FAM107B: variants seen among roughly 807,000 people sequenced by gnomAD.
FAM107B encodes protein FAM107B.
FAM107B carries 21 observed loss-of-function variants against 31.5 expected under a neutral mutation model. That is an observed-to-expected ratio of 0.67 (90% CI 0.47 to 0.96). The LOEUF is 0.96. Ranked by LOEUF, FAM107B falls within the 40% of genes least tolerant of loss-of-function variation. The pLI, the probability that FAM107B is intolerant of heterozygous loss-of-function variation, is 0.00. For missense variants in FAM107B, 452 were observed against 377.1 expected, an observed-to-expected ratio of 1.20 and a Z score of -1.64; for synonymous variants, 157 against 141.5, an observed-to-expected ratio of 1.11 and a Z score of -0.78.
At chr10:14,556,798 T>C (rs1196174757) in intron 2 of FAM107B, among the ~76,000 whole-genome samples, 1 of 149,056 alleles carries the variant, frequency 6.7e-6, no homozygotes, top group Non-Finnish European at 1.5e-5. Flanking sequence ...AGAATGGACT[T>C]TCCCCCCATG....
intron 2 of FAM107B, among the ~76,000 whole-genome samples, chr10:14,555,553 G>C (rs10906696): frequency 0.8 from 122,063 of 152,124 alleles, 49,470 homozygotes; most frequent in East Asian, 0.89. Context: ...TTGTTCCCAC[G>C]CCATTAGCAA....
chr10:14,724,786 T>G (rs1855993557), intron 1 of FAM107B, among the ~76,000 whole-genome samples: 1 of 151,884 alleles, frequency 6.6e-6, no homozygotes, highest in Non-Finnish European at 1.5e-5. Flanking sequence ...CAGAAGCTCA[T>G]CCACACTGAA....
At chr10:14,683,709 C>T (rs1854905686) in intron 1 of FAM107B, among the ~76,000 whole-genome samples, 3 of 152,160 alleles carry the variant, frequency 2.0e-5, no homozygotes, top group South Asian at 4.1e-4. Flanking sequence ...CATGACTCTC[C>T]AGCTACTTAG....
chr10:14,624,639 A>AAAAAAAGACTTGAGGGTCAACTCCCAAAG (rs1853107830), intron 2 of FAM107B, among the ~76,000 whole-genome samples: 1 of 152,174 alleles, frequency 6.6e-6, no homozygotes, highest in African/African-American at 2.4e-5. Context: ...CCGTTTCAAA[A>AAAAAAAGACTTGAGGGTCAACTCCCAAAG]AAAAAAGACT....
chr10:14,774,533 C>G lies in FAM107B; in HGVS notation c.131G>C (p.Gly44Ala), dbSNP rs1422737048. The change falls in exon 1 of 5, where the codon GGC becomes GCC. Residue 44 changes from glycine to alanine, a missense_variant. Coordinates refer to ENST00000181796, the MANE Select transcript of FAM107B (RefSeq NM_031453.4). ...GACGGTGGAATGAGTATCAGCCACG[C>G]CGGACTGATTGAAGGAAGCACTCTC... is the stretch of plus-strand genomic sequence containing the variant. ...TRESASFNQS[G>A]VADTHSTVRV... 6.2e-7 allele frequency: 1 copy of G among 1,614,190 alleles called. No individual in the cohort carries two copies. Among genetic ancestry groups the G allele is most frequent in the Admixed American group, 1.7e-5 (1 of 60,026 alleles).
intron 1 of FAM107B, among the ~76,000 whole-genome samples, chr10:14,676,088 G>A (rs1314671442): frequency 1.3e-5 from 2 of 152,162 alleles, no homozygotes; most frequent in East Asian, 1.9e-4. Context: ...AGCCTGGGGA[G>A]GTCAAGGCTT....
At chr10:14,537,618 TC>T (rs1330643278) in intron 2 of FAM107B, among the ~76,000 whole-genome samples, 1 of 152,046 alleles carries the variant, frequency 6.6e-6, no homozygotes, top group African/African-American at 2.4e-5. Flanking sequence ...GGCGGGCGGA[TC>T]ATGAGGTCCA....
intron 1 of FAM107B, among the ~76,000 whole-genome samples, chr10:14,734,993 C>T (rs777590583): frequency 6.6e-5 from 10 of 152,318 alleles, no homozygotes; most frequent in Admixed American, 1.3e-4. Flanking sequence ...GAGTGAGTCT[C>T]GAGCCAGCCT....
At chr10:14,651,919 A>T (rs1377341368) in intron 2 of FAM107B, among the ~76,000 whole-genome samples, 4 of 152,180 alleles carry the variant, frequency 2.6e-5, no homozygotes, top group Non-Finnish European at 5.9e-5. Flanking sequence ...ATGTGTGAGA[A>T]ATACAGCAAA....
At chr10:14,634,271 G>A (rs1349685018) in intron 2 of FAM107B, among the ~76,000 whole-genome samples, 1 of 151,846 alleles carries the variant, frequency 6.6e-6, no homozygotes, top group Non-Finnish European at 1.5e-5. Context: ...GTGGTGGCGG[G>A]TGCCTATAGT....
chr10:14,632,296 C>T (rs1229420188), intron 2 of FAM107B, among the ~76,000 whole-genome samples: 4 of 91,914 alleles, frequency 4.4e-5, no homozygotes, highest in Admixed American at 1.7e-4. Flanking sequence ...CAGAGCGAGA[C>T]TCTGTCTCAA....
intron 2 of FAM107B, chr10:14,553,450 T>C: frequency 1.1e-6 from 1 of 908,828 alleles, no homozygotes; most frequent in Non-Finnish European, 1.5e-6. Context: ...GCAATCATTC[T>C]ATCTGCATAA....
intron 1 of FAM107B, among the ~76,000 whole-genome samples, chr10:14,772,826 C>G (rs187548036): frequency 1.2e-3 from 190 of 152,228 alleles, no homozygotes; most frequent in African/African-American, 3.4e-3. Context: ...GCCTTGAGTC[C>G]CTGAGTCCCA....
intron 1 of FAM107B, chr10:14,723,189 T>C: frequency 1.9e-6 from 1 of 519,948 alleles, no homozygotes; most frequent in Non-Finnish European, 3.8e-6. Flanking sequence ...CAGTGGTTGC[T>C]CCTAACCATT....
intron 2 of FAM107B, among the ~76,000 whole-genome samples, chr10:14,628,398 G>A (rs1326863745): frequency 6.6e-6 from 1 of 152,124 alleles, no homozygotes; most frequent in Non-Finnish European, 1.5e-5. Flanking sequence ...GATTACAGGC[G>A]TGAGCCACTG....
Position 14,752,267 on chromosome 10 carries a change from C to G in FAM107B, c.411+21986G>C, listed in dbSNP as rs145388966. Reference sequence around the variant, plus strand: ...AATCTCCCTGACTTGAGGGCTTCTCCCCTTTTGCCCCTCACTCACCTCTTT... The same window carrying G: ...AATCTCCCTGACTTGAGGGCTTCTCGCCTTTTGCCCCTCACTCACCTCTTT... On this transcript the variant is annotated intron_variant, in intron 1 of 4. Transcript: ENST00000181796. Among the ~76,000 whole-genome samples, 572 of 152,302 alleles carry G rather than the reference C, an allele frequency of 3.8e-3. 3 individuals are homozygous for G. The highest frequency in any genetic ancestry group is 0.013 in the African/African-American group (529 of 41,576).
chr10:14,679,157 G>C (rs1223751608), intron 1 of FAM107B, among the ~76,000 whole-genome samples: 3 of 151,960 alleles, frequency 2.0e-5, no homozygotes, highest in Non-Finnish European at 4.4e-5. Context: ...GGAGAGAGGG[G>C]CTCACTGTAT....
intron 1 of FAM107B, among the ~76,000 whole-genome samples, chr10:14,691,161 A>G (rs554649335): frequency 2.0e-5 from 3 of 152,222 alleles, no homozygotes; most frequent in Admixed American, 6.5e-5. Context: ...TCAGCCTCCC[A>G]AAGTGCTGGG....
chr10:14,600,462 C>T (rs72768957), intron 2 of FAM107B, among the ~76,000 whole-genome samples: 2,341 of 152,082 alleles, frequency 0.015, 28 homozygotes, highest in Non-Finnish European at 0.027. Flanking sequence ...AGCTCCATGG[C>T]CCGCCGCACC....
Sources: gnomAD v4.1 joint callset for allele counts (sites outside exome capture counted in the v4.1 genomes callset) on GRCh38, gnomAD v4.1.1 for gene constraint, MANE v1.5 for transcripts, NCBI Gene and HGNC (gene_info 2026-07-23, HGNC 2026-07-21) for gene names.